MACO1: variants seen among roughly 807,000 people sequenced by gnomAD.
MACO1 encodes the protein macoilin.
MACO1 carries 14 observed loss-of-function variants against 78.7 expected under a neutral mutation model. The observed-to-expected ratio is 0.18, with a 90% CI of 0.12 to 0.28. The LOEUF is 0.28. Ranked by LOEUF, MACO1 falls within the 10% of genes least tolerant of loss-of-function variation. The probability of loss-of-function intolerance (pLI) is 1.00; values close to 1 mark genes in which losing one functional copy is unlikely to be tolerated. For synonymous variants in MACO1, 288 were observed against 291.6 expected, an observed-to-expected ratio of 0.99 and a Z score of 0.12; for missense variants, 501 against 799.0, an observed-to-expected ratio of 0.63 and a Z score of 4.50.
rs964020314 is a variant in MACO1, at chr1:25,439,468, ACG to A, written c.81-7287_81-7286del. ...TTGTCATTGCAGTGGCTGCACATGT[ACG>A]CGCGCGTGTGTGTGTGTGTAATTGA... On this transcript the variant is annotated intron_variant, in intron 1 of 10. Coordinates refer to ENST00000374343, the MANE Select transcript of MACO1 (RefSeq NM_018202.6). Among the ~76,000 whole-genome samples the A allele has an allele frequency of 8.6e-5, 13 of 151,936 alleles. No homozygotes were observed. In the South Asian group the frequency reaches 2.3e-3, roughly 27 times the overall value.
In MACO1 at chr1:25,431,123, A is replaced by G. The variant is rs1422809157; in HGVS notation, c.25A>G (p.Ser9Gly). ...GATGAAGCGGCGGAACGCCGACTGC[A>G]GTAAGCTCCGCCGCCCCCTAAAGCG... MKRRNADC[S>G]KLRRPLKRNR... is the part of the protein sequence containing the mutation. The change falls in exon 1 of 11, where the codon AGT becomes GGT. Residue 9 changes from serine (S) to glycine (G), a missense_variant. Physicochemically the swap from Ser to Gly is moderately conservative, Grantham distance 56 (BLOSUM62 0). Transcript: ENST00000374343. The G allele has an allele frequency of 1.9e-6, 3 of 1,597,014 alleles. No individual in the cohort carries two copies. The highest frequency in any genetic ancestry group is 1.4e-5 in the African/African-American group (1 of 72,786).
In MACO1 at chr1:25,484,170, G is replaced by C; in HGVS notation, c.1209G>C (p.Val403=). 6.8e-6 allele frequency: 11 copies of C among 1,613,976 alleles called. No homozygotes were observed. Among genetic ancestry groups the C allele is most frequent in the Non-Finnish European group, 9.3e-6 (11 of 1,179,996 alleles). Residue 403 remains valine, a synonymous_variant, in exon 7 of 11, where the codon GTG becomes GTC. Transcript: ENST00000374343. ...LKADLQASRQ[V]EQELRSQISS... is the part of the protein sequence containing the mutation. Reference sequence around the variant, plus strand: ...CTGACCTGCAAGCCAGCAGACAAGTGGAACAAGAGCTCCGCAGTCAGATCA... The same window carrying C: ...CTGACCTGCAAGCCAGCAGACAAGTCGAACAAGAGCTCCGCAGTCAGATCA...
chr1:25,490,690 G>C (rs988888154), intron 9 of MACO1, among the ~76,000 whole-genome samples: 4 of 152,130 alleles, frequency 2.6e-5, no homozygotes, highest in Non-Finnish European at 4.4e-5. Flanking sequence ...ATTTTGGTAT[G>C]TAAACATTCA....
chr1:25,489,070 C>A, intron 8 of MACO1, 103 bp from the exon 9 acceptor site: 1 of 1,403,000 alleles, frequency 7.1e-7, no homozygotes, highest in Non-Finnish European at 9.5e-7. Context: ...ATCTGCCTGC[C>A]TCGGCCTCCC....
chr1:25,432,379 CAAAGT>C (rs2042883377), intron 1 of MACO1, among the ~76,000 whole-genome samples: 1 of 152,230 alleles, frequency 6.6e-6, no homozygotes, highest in South Asian at 2.1e-4. Flanking sequence ...ATTAAGGAAT[CAAAGT>C]AAAAATTTCT....
intron 6 of MACO1, among the ~76,000 whole-genome samples, chr1:25,478,426 TTAAA>T (rs2043341924): frequency 6.6e-6 from 1 of 152,342 alleles, no homozygotes; most frequent in South Asian, 2.1e-4. Flanking sequence ...AAAATTAAAT[TTAAA>T]TAATTATTAA....
At chr1:25,495,372 G>A (rs998999225) in intron 10 of MACO1, among the ~76,000 whole-genome samples, 6 of 152,118 alleles carry the variant, frequency 3.9e-5, no homozygotes, top group African/African-American at 1.2e-4. Flanking sequence ...AACTTAAATC[G>A]GCAGGGAAAA....
intron 8 of MACO1, among the ~76,000 whole-genome samples, chr1:25,486,431 T>C (rs967415298): frequency 6.6e-6 from 1 of 152,202 alleles, no homozygotes; most frequent in Non-Finnish European, 1.5e-5. Context: ...AGAGCTTTTT[T>C]TTTCTTTTTG....
chr1:25,498,637 C>T lies in MACO1; in HGVS notation c.*171C>T. 1 of 568,044 alleles carries T rather than the reference C, an allele frequency of 1.8e-6. No individual in the cohort carries two copies. Among genetic ancestry groups the T allele is most frequent in the Middle Eastern group, 4.7e-4 (1 of 2,122 alleles). The allele number at this position is 568,044 out of a possible 1,614,324, so 35.2% of individuals were successfully genotyped here. A position where few individuals can be genotyped will look rare whatever the true frequency, so the allele number is the denominator to read the frequency against. On this transcript the variant is annotated 3_prime_UTR_variant, in exon 11 of 11. Coordinates refer to ENST00000374343, the MANE Select transcript of MACO1 (RefSeq NM_018202.6). ...ACATCCAAGTCTGATTAGAACTGCCCATCAGTTTTTCTTGTAAATTTTTAG... is the reference window on the plus strand; with the variant it reads ...ACATCCAAGTCTGATTAGAACTGCCTATCAGTTTTTCTTGTAAATTTTTAG...
chr1:25,441,428 A>G (rs1021270789), intron 1 of MACO1, among the ~76,000 whole-genome samples: 1 of 151,586 alleles, frequency 6.6e-6, no homozygotes, highest in South Asian at 2.1e-4. Flanking sequence ...CAGGTCATCC[A>G]CCCGCCTCAG....
At chr1:25,449,852 C>T (rs7548114) in intron 3 of MACO1, among the ~76,000 whole-genome samples, 1 of 152,082 alleles carries the variant, frequency 6.6e-6, no homozygotes, top group Admixed American at 6.5e-5. Flanking sequence ...AACCCCACCT[C>T]TACTAAAAAT....
At chr1:25,438,171 C>CT (rs2042936051) in intron 1 of MACO1, among the ~76,000 whole-genome samples, 1 of 151,954 alleles carries the variant, frequency 6.6e-6, no homozygotes, top group Non-Finnish European at 1.5e-5. Context: ...TTCAAGAATA[C>CT]TTTTAACAGT....
chr1:25,453,708 G>A (rs1220993986), intron 3 of MACO1, among the ~76,000 whole-genome samples: 2 of 146,852 alleles, frequency 1.4e-5, no homozygotes, highest in Non-Finnish European at 1.5e-5. Context: ...GTAAAAGAAA[G>A]GTACAAGTAT....
intron 6 of MACO1, among the ~76,000 whole-genome samples, chr1:25,476,425 T>A (rs532913348): frequency 6.6e-6 from 1 of 152,332 alleles, no homozygotes; most frequent in South Asian, 2.1e-4. Flanking sequence ...CATGTCAGTA[T>A]TTCCAAATCT....
At chr1:25,454,216 T>C in intron 3 of MACO1, 43 bp from the exon 4 acceptor site, 2 of 1,527,746 alleles carry the variant, frequency 1.3e-6, no homozygotes, top group South Asian at 1.3e-5. Flanking sequence ...TGTTAGTTAC[T>C]ATATCGTTTA....
At chr1:25,493,359 C>T (rs2124613947) in intron 10 of MACO1, among the ~76,000 whole-genome samples, 1 of 152,192 alleles carries the variant, frequency 6.6e-6, no homozygotes, top group East Asian at 1.9e-4. Context: ...CCACCTCAGC[C>T]TCTCCCTAGT....
At chr1:25,494,542 G>A (rs965460416) in intron 10 of MACO1, among the ~76,000 whole-genome samples, 5 of 152,262 alleles carry the variant, frequency 3.3e-5, no homozygotes, top group African/African-American at 9.6e-5. Flanking sequence ...AAGAGGGGAC[G>A]TGTTCAGACT....
chr1:25,437,217 C>T (rs2042926699), intron 1 of MACO1, among the ~76,000 whole-genome samples: 1 of 149,730 alleles, frequency 6.7e-6, no homozygotes, highest in Non-Finnish European at 1.5e-5. Flanking sequence ...TCACTGTATC[C>T]TTCATCTCCT....
intron 1 of MACO1, among the ~76,000 whole-genome samples, chr1:25,445,188 A>G (rs1006842803): frequency 1.3e-5 from 2 of 149,924 alleles, no homozygotes; most frequent in South Asian, 4.2e-4. Context: ...ATTACCACCT[A>G]CTTGGGAAGC....
Sources: allele counts gnomAD v4.1 joint callset (sites outside exome capture counted in the v4.1 genomes callset), GRCh38; gene constraint gnomAD v4.1.1; transcripts MANE v1.5; gene names NCBI Gene and HGNC (gene_info 2026-07-23, HGNC 2026-07-21).